The following PPP1R8 variants were observed in gnomAD, a reference collection of about 807,000 sequenced individuals.
The protein encoded by PPP1R8 is protein phosphatase 1 regulatory subunit 8.
A neutral mutation model predicts 31.3 loss-of-function variants in PPP1R8; 4 were observed. That is an observed-to-expected ratio of 0.13 (90% CI 0.06 to 0.29). The LOEUF (loss-of-function observed/expected upper bound fraction) is 0.29, where lower values mean the gene tolerates loss of function less well. Ranked by LOEUF, PPP1R8 falls within the 10% of genes least tolerant of loss-of-function variation. The pLI, the probability that PPP1R8 is intolerant of heterozygous loss-of-function variation, is 1.00. For synonymous variants in PPP1R8, 170 were observed against 169.7 expected (o/e 1.00, Z -0.01); for missense variants, 254 against 440.1 (o/e 0.58, Z 3.78).
At position 27,830,854 on chromosome 1, in the gene PPP1R8, T is replaced by G; in HGVS notation, c.19T>G (p.Ser7Ala). 2 of 1,576,392 alleles carry G rather than the reference T, an allele frequency of 1.3e-6. No homozygotes were observed. The highest frequency in any genetic ancestry group is 1.7e-6 in the Non-Finnish European group (2 of 1,162,146). MAAAAN[S>A]GSSLPLFDCP... Reference sequence around the variant, plus strand: ...ACGCAAGATGGCGGCAGCCGCGAACTCCGGCTCTAGCCTCCCGCTGTTCGA... The same window carrying G: ...ACGCAAGATGGCGGCAGCCGCGAACGCCGGCTCTAGCCTCCCGCTGTTCGA... The change falls in exon 1 of 7, where the codon TCC becomes GCC. Residue 7 changes from serine to alanine, a missense_variant. Ser to Ala is a moderately conservative substitution (Grantham distance 99). This residue lies in a region of PPP1R8 where 38 missense variants were observed against 18.6 expected (regional missense o/e 2.04). Transcript: ENST00000311772.
intron 1 of PPP1R8, 23 bp from the exon 2 acceptor site, chr1:27,832,733 T>C (rs1190779105): frequency 1.3e-6 from 2 of 1,599,750 alleles, no homozygotes; most frequent in Non-Finnish European, 1.7e-6. Flanking sequence ...CTGAAAATGC[T>C]TTTTTCTATT....
intron 3 of PPP1R8, among the ~76,000 whole-genome samples, chr1:27,839,311 T>G (rs942471800): frequency 2.6e-5 from 4 of 151,718 alleles, no homozygotes; most frequent in Non-Finnish European, 5.9e-5. Flanking sequence ...GCGAATCATT[T>G]GAGGCCAGGA....
At position 27,848,233 on chromosome 1, in the gene PPP1R8, G is replaced by A. The variant is rs1447164924; in HGVS notation, c.702+1141G>A. Among the ~76,000 whole-genome samples the A allele has an allele frequency of 5.9e-5, 9 of 151,954 alleles. No homozygotes were observed. The East Asian group carries it at 1.3e-3, about 23-fold the overall frequency. On this transcript the variant is annotated intron_variant, in intron 6 of 6. Coordinates refer to ENST00000311772, the MANE Select transcript of PPP1R8 (RefSeq NM_014110.5). ...CTGGCGAACACGGTGAAACCCCGTC[G>A]CTACTGAAAATACAAAAAAAAATTA...
intron 2 of PPP1R8, among the ~76,000 whole-genome samples, chr1:27,836,773 G>A (rs979615876): frequency 8.6e-5 from 13 of 151,112 alleles, no homozygotes; most frequent in African/African-American, 2.9e-4. Context: ...GGCTAACACC[G>A]GTAATCCCAG....
At position 27,846,877 on chromosome 1, in the gene PPP1R8, G is replaced by A. The variant is rs2089286666; in HGVS notation, c.638-151G>A. On this transcript the variant is annotated intron_variant, in intron 5 of 6. Transcript: ENST00000311772. Reference sequence around the variant, plus strand: ...ACCTACATCACAGGGTCTTTGTGAGGATTTAGCACAATGCCCAGCACCCAG... The same window carrying A: ...ACCTACATCACAGGGTCTTTGTGAGAATTTAGCACAATGCCCAGCACCCAG... The A allele has an allele frequency of 1.9e-5, 13 of 672,296 alleles. No homozygotes were observed. In the East Asian group the frequency reaches 3.3e-4, roughly 17 times the overall value. 41.6% of individuals were successfully genotyped at this position (672,296 alleles called of 1,614,324 possible). A position where few individuals can be genotyped will look rare whatever the true frequency, so the allele number is the denominator to read the frequency against.
At position 27,850,233 on chromosome 1, in the gene PPP1R8, C is replaced by A. The variant is rs1459682774; in HGVS notation, c.843C>A (p.Ile281=). The change falls in exon 7 of 7, where the codon ATC becomes ATA. Residue 281 remains isoleucine (I), a synonymous_variant. Coordinates refer to ENST00000311772, the MANE Select transcript of PPP1R8 (RefSeq NM_014110.5). ...HSEAGSQPHG[I]HGTALIGGLP... is the part of the protein sequence containing the mutation. ...AAGCAGGCTCCCAGCCACATGGCAT[C>A]CATGGGACAGCACTCATCGGTGGCT... The A allele has an allele frequency of 6.2e-7, 1 of 1,614,234 alleles. No individual in the cohort carries two copies.
intron 6 of PPP1R8, among the ~76,000 whole-genome samples, chr1:27,849,800 A>G (rs536355360): frequency 2.0e-5 from 3 of 151,744 alleles, no homozygotes; most frequent in African/African-American, 4.9e-5. Context: ...TTAAATTGAT[A>G]TGTTTTACTT....
intron 2 of PPP1R8, among the ~76,000 whole-genome samples, chr1:27,834,724 A>G (rs570035479): frequency 3.9e-5 from 6 of 152,280 alleles, no homozygotes; most frequent in African/African-American, 1.4e-4. Flanking sequence ...TTAAAATTCC[A>G]TACATTTTGG....
chr1:27,837,054 T>C (rs2089173803), intron 2 of PPP1R8, among the ~76,000 whole-genome samples: 1 of 152,192 alleles, frequency 6.6e-6, no homozygotes, highest in Non-Finnish European at 1.5e-5. Context: ...CTTATAGACA[T>C]GCATTGTGCT....
rs190557120 is a variant in PPP1R8 at position 27,844,468 on chromosome 1, T to G, written c.637+1138T>G. On this transcript the variant is annotated intron_variant, in intron 5 of 6. Transcript: ENST00000311772. Reference sequence around the variant, plus strand: ...TCAGCCTCCCAAGTAGCTGGAATTATAGGCTTCTGCCACCACACCTGGCTA... The same window carrying G: ...TCAGCCTCCCAAGTAGCTGGAATTAGAGGCTTCTGCCACCACACCTGGCTA... Among the ~76,000 whole-genome samples, 270 of 150,730 alleles carry G rather than the reference T, an allele frequency of 1.8e-3. 1 individual carries two copies. Among genetic ancestry groups the G allele is most frequent in the African/African-American group, 6.4e-3 (264 of 41,078 alleles).
At chr1:27,833,902 A>G (rs1461144787) in intron 2 of PPP1R8, among the ~76,000 whole-genome samples, 1 of 152,234 alleles carries the variant, frequency 6.6e-6, no homozygotes, top group Non-Finnish European at 1.5e-5. Flanking sequence ...TTCTCCTGTT[A>G]TGAATACATC....
chr1:27,846,850 G>C (rs1305299434), intron 5 of PPP1R8, among the ~76,000 whole-genome samples, 178 bp from the exon 6 acceptor site: 1 of 152,218 alleles, frequency 6.6e-6, no homozygotes, highest in Non-Finnish European at 1.5e-5. Context: ...GATTGTGGTA[G>C]TACCTACATC....
At chr1:27,834,183 A>G (rs1401937828) in intron 2 of PPP1R8, among the ~76,000 whole-genome samples, 1 of 152,222 alleles carries the variant, frequency 6.6e-6, no homozygotes, top group Non-Finnish European at 1.5e-5. Context: ...TGATAACATC[A>G]CATTCCTTTG....
chr1:27,843,336 G>A lies in PPP1R8; in HGVS notation c.637+6G>A. The A allele has an allele frequency of 1.2e-6, 2 of 1,614,128 alleles. No individual in the cohort carries two copies. Among genetic ancestry groups the A allele is most frequent in the South Asian group, 1.1e-5 (1 of 91,086 alleles). ...TGATGAGATCATCAACCCAGGTGAG[G>A]TATCTTGCTAGTTTATTCTGATGAA... On this transcript the variant is annotated splice_donor_region_variant and intron_variant, in intron 5 of 6. Transcript: ENST00000311772.
chr1:27,840,066 T>A (rs2089208545), intron 3 of PPP1R8, among the ~76,000 whole-genome samples: 1 of 151,888 alleles, frequency 6.6e-6, no homozygotes, highest in African/African-American at 2.4e-5. Context: ...CTCAAAAAAA[T>A]AAAAATAAAA....
In PPP1R8 at chr1:27,846,459, T is replaced by C. The variant is rs1193179853; in HGVS notation, c.638-569T>C. Among the ~76,000 whole-genome samples, 4 of 152,340 alleles carry C rather than the reference T, an allele frequency of 2.6e-5. No individual in the cohort carries two copies. In the East Asian group the frequency reaches 7.7e-4, roughly 29 times the overall value. The stretch of plus-strand genomic sequence containing the variant: ...GGGGCATCAGAGCCTTTAGTGCAAG[T>C]CTTGCTTATATACAGTTCAGGCCGT... On this transcript the variant is annotated intron_variant, in intron 5 of 6. Coordinates refer to ENST00000311772, the MANE Select transcript of PPP1R8 (RefSeq NM_014110.5).
intron 2 of PPP1R8, chr1:27,834,536 A>G (rs777128103): frequency 1.9e-6 from 1 of 518,834 alleles, no homozygotes; most frequent in South Asian, 1.4e-5. Context: ...GTGTAAAGAT[A>G]CACTCTGAGT....
chr1:27,846,987 GTAAAGTACCAACCCA>G, intron 5 of PPP1R8, 26 bp from the exon 6 acceptor site: 1 of 1,567,236 alleles, frequency 6.4e-7, no homozygotes, highest in East Asian at 2.2e-5. Context: ...ATTCCTCCCA[GTAAAGTACCAACCCA>G]ACCCTGCCCT....
At chr1:27,831,587 A>G (rs1469313998) in intron 1 of PPP1R8, among the ~76,000 whole-genome samples, 1 of 152,172 alleles carries the variant, frequency 6.6e-6, no homozygotes, top group African/African-American at 2.4e-5. Context: ...AGCTCATCGC[A>G]GTGTATTGTT....
Sources: allele counts gnomAD v4.1 joint callset (sites outside exome capture counted in the v4.1 genomes callset), GRCh38; gene constraint gnomAD v4.1.1; regional missense constraint gnomAD v4.1.1; transcripts MANE v1.5; gene names NCBI Gene and HGNC (gene_info 2026-07-23, HGNC 2026-07-21).